The following CCDC7 variants were observed in gnomAD, a reference collection of about 807,000 sequenced individuals.
CCDC7 encodes coiled-coil domain containing 7, also known as coiled-coil domain-containing protein 7.
A neutral mutation model predicts 196.9 loss-of-function variants in CCDC7; 183 were observed. The ratio of observed to expected loss-of-function variants is 0.93; its 90% CI spans 0.82 to 1.05. The LOEUF is 1.05. CCDC7 is among the 50% of genes least tolerant of loss of function. The probability of loss-of-function intolerance (pLI) is 0.00; values close to 1 mark genes in which losing one functional copy is unlikely to be tolerated. For synonymous variants in CCDC7, 525 were observed against 484.6 expected (o/e 1.08, Z -1.10); for missense variants, 1,540 against 1,482.2 (o/e 1.04, Z -0.64).
chr10:32,846,246 C>A, intron 36 of CCDC7, 130 bp from the exon 38 acceptor site: 1 of 627,594 alleles, frequency 1.6e-6, no homozygotes, highest in South Asian at 2.2e-5. Flanking sequence ...TACATAGGTA[C>A]CTATATCATA....
intron 3 of CCDC7, among the ~76,000 whole-genome samples, chr10:32,461,342 A>T (rs2035578933): frequency 6.6e-6 from 1 of 152,126 alleles, no homozygotes; most frequent in Non-Finnish European, 1.5e-5. Flanking sequence ...ATCTAACACA[A>T]AACCTATTTT....
intron 24 of CCDC7, among the ~76,000 whole-genome samples, chr10:32,698,910 A>G (rs2078173895): frequency 6.6e-6 from 1 of 152,188 alleles, no homozygotes; most frequent in African/African-American, 2.4e-5. Flanking sequence ...TGTCAGATTC[A>G]CCAAGGTTGA....
At position 32,508,429 on chromosome 10, in the gene CCDC7, T is replaced by C. The variant is rs189241413; in HGVS notation, c.873-9516T>C. On this transcript the variant is annotated intron_variant, in intron 9 of 41. Transcript: ENST00000639629. ...CGGGACAGTATTGTATGTTCATGGA[T>C]TAGAAGAGTTAATAGTGTTGCAAAT... 5.4e-3 allele frequency among the ~76,000 whole-genome samples: 815 copies of C among 152,306 alleles called. 3 individuals carry two copies. The highest frequency in any genetic ancestry group is 9.5e-3 in the South Asian group (46 of 4,826).
At chr10:32,733,714 T>G (rs139116834) in intron 28 of CCDC7, among the ~76,000 whole-genome samples, 231 of 152,304 alleles carry the variant, frequency 1.5e-3, no homozygotes, top group African/African-American at 5.3e-3. Flanking sequence ...CCCACTGTGA[T>G]TATGGATTTC....
intron 11 of CCDC7, among the ~76,000 whole-genome samples, chr10:32,523,769 A>G (rs1285183498): frequency 6.6e-6 from 1 of 151,036 alleles, no homozygotes; most frequent in Non-Finnish European, 1.5e-5. Context: ...GTTGAAATCT[A>G]TTTTGTCTGG....
intron 24 of CCDC7, among the ~76,000 whole-genome samples, chr10:32,697,315 C>T (rs1411403385): frequency 6.6e-6 from 1 of 152,180 alleles, no homozygotes; most frequent in African/African-American, 2.4e-5. Flanking sequence ...GAGTTCATCT[C>T]ACTGGGACTG....
chr10:32,850,272 A>C (rs1249290069), intron 39 of CCDC7, among the ~76,000 whole-genome samples: 1 of 152,184 alleles, frequency 6.6e-6, no homozygotes, highest in Non-Finnish European at 1.5e-5. Flanking sequence ...CCCCAGATCC[A>C]GTATCATGAA....
upstream of CCDC7, among the ~76,000 whole-genome samples, chr10:32,444,867 T>C (rs12218130): frequency 2.1e-5 from 3 of 140,950 alleles, no homozygotes; most frequent in Admixed American, 7.1e-5. Flanking sequence ...TTTTTTTTTC[T>C]TTTTTAGATG....
intron 24 of CCDC7, among the ~76,000 whole-genome samples, chr10:32,702,426 T>A (rs948967266): frequency 2.0e-5 from 3 of 152,138 alleles, no homozygotes; most frequent in African/African-American, 7.2e-5. Context: ...TGCTGAGGAG[T>A]GCTTTACTTC....
At chr10:32,876,839 T>C (rs1254085363), downstream of CCDC7, 1 of 153,852 alleles carries the variant, frequency 6.5e-6, no homozygotes, top group East Asian at 1.9e-4. Context: ...ATGTGATTCT[T>C]ACCAATCAAA....
At chr10:32,876,781 C>T (rs1165590042), downstream of CCDC7, 2 of 155,726 alleles carry the variant, frequency 1.3e-5, no homozygotes, top group African/African-American at 4.8e-5. Flanking sequence ...TAAGCATACT[C>T]TGTAGAATTT....
chr10:32,503,776 T>A (rs1158950948), intron 9 of CCDC7, among the ~76,000 whole-genome samples: 1 of 152,174 alleles, frequency 6.6e-6, no homozygotes, highest in African/African-American at 2.4e-5. Flanking sequence ...TGATAGGAGA[T>A]TTTTTTATTA....
intron 21 of CCDC7, among the ~76,000 whole-genome samples, chr10:32,673,259 G>C (rs559788411): frequency 6.6e-6 from 1 of 151,824 alleles, no homozygotes; most frequent in South Asian, 2.1e-4. Flanking sequence ...GCTCCAGATT[G>C]CTTTGACTAT....
intron 33 of CCDC7, among the ~76,000 whole-genome samples, chr10:32,835,658 G>C (rs1337697722): frequency 6.6e-6 from 1 of 152,016 alleles, no homozygotes; most frequent in Non-Finnish European, 1.5e-5. Flanking sequence ...ACATGGAGGG[G>C]AACAACGAAC....
At chr10:32,725,450 G>T (rs1359203384) in intron 25 of CCDC7, 3 of 464,752 alleles carry the variant, frequency 6.5e-6, no homozygotes, top group Non-Finnish European at 1.3e-5. Flanking sequence ...CATATATTAG[G>T]TTAGTTTCCT....
At chr10:32,560,995 CA>C (rs202106078) in intron 13 of CCDC7, among the ~76,000 whole-genome samples, 3 of 149,166 alleles carry the variant, frequency 2.0e-5, no homozygotes, top group Admixed American at 6.7e-5. Context: ...AAATGCAAAA[CA>C]AAAAAAAAGG....
intron 30 of CCDC7, among the ~76,000 whole-genome samples, chr10:32,807,540 G>T (rs936323178): frequency 2.0e-5 from 3 of 152,038 alleles, no homozygotes; most frequent in Admixed American, 6.6e-5. Flanking sequence ...ATTCAGCAGA[G>T]AATTAACAGG....
intron 20 of CCDC7, among the ~76,000 whole-genome samples, chr10:32,656,224 A>C (rs1348319825): frequency 2.0e-5 from 3 of 152,218 alleles, no homozygotes; most frequent in Non-Finnish European, 2.9e-5. Context: ...CAGATCCAGC[A>C]GTTCCATTTC....
intron 28 of CCDC7, among the ~76,000 whole-genome samples, chr10:32,749,460 A>C (rs2075336889): frequency 1.3e-5 from 2 of 152,160 alleles, no homozygotes; most frequent in African/African-American, 4.8e-5. Flanking sequence ...TCAAGTAATA[A>C]ATTCATTTGT....
Sources: gnomAD v4.1 joint callset for allele counts (sites outside exome capture counted in the v4.1 genomes callset) on GRCh38, gnomAD v4.1.1 for gene constraint, MANE v1.5 for transcripts, NCBI Gene and HGNC (gene_info 2026-07-23, HGNC 2026-07-21) for gene names.